ACER1: variants seen among roughly 807,000 people sequenced by gnomAD.
The protein encoded by ACER1 is CTB-180A7.3.
ACER1 carries 28 observed loss-of-function variants against 24.9 expected under a neutral mutation model. The observed-to-expected ratio is 1.13, with a 90% confidence interval of 0.83 to 1.54. The LOEUF (loss-of-function observed/expected upper bound fraction) is 1.54. Among genes scored for constraint, ACER1 ranks in the 40% most tolerant of loss-of-function variants. ACER1 has a pLI of 0.00. For synonymous variants in ACER1, 132 were observed against 131.4 expected, an observed-to-expected ratio of 1.00 and a Z score of -0.03; for missense variants, 352 against 349.3, an observed-to-expected ratio of 1.01 and a Z score of -0.06.
At chr19:6,327,467 A>G (rs1326502117) in intron 1 of ACER1, among the ~76,000 whole-genome samples, 1 of 152,064 alleles carries the variant, frequency 6.6e-6, no homozygotes, top group African/African-American at 2.4e-5. Context: ...CGGGAGGCTG[A>G]GGCAGGAGAA....
intron 1 of ACER1, among the ~76,000 whole-genome samples, chr19:6,330,181 C>A (rs1356017759): frequency 1.7e-5 from 2 of 116,772 alleles, no homozygotes; most frequent in Non-Finnish European, 3.6e-5. Context: ...AATTTTTAAT[C>A]TTTTGAGATG....
chr19:6,324,825 A>AAAGG (rs137970337), intron 1 of ACER1, among the ~76,000 whole-genome samples: 20 of 142,944 alleles, frequency 1.4e-4, no homozygotes, highest in African/African-American at 3.2e-4. Flanking sequence ...GGAGAGAAGG[A>AAAGG]AAGGAAGGAA....
chr19:6,328,318 C>T (rs1380463832), intron 1 of ACER1, among the ~76,000 whole-genome samples: 1 of 151,454 alleles, frequency 6.6e-6, no homozygotes, highest in African/African-American at 2.4e-5. Context: ...AGGTGAAACC[C>T]CATCTCTACT....
upstream of ACER1, among the ~76,000 whole-genome samples, chr19:6,334,246 G>A (rs1186225368): frequency 1.3e-5 from 2 of 152,020 alleles, no homozygotes; most frequent in African/African-American, 2.4e-5. Context: ...GAGTTTCACT[G>A]TGTTAGCCAG....
chr19:6,333,491 A>G lies in ACER1; in HGVS notation c.61T>C (p.Tyr21His). ...TAGAACTCGGCCACCAGCTCCGAGT[A>G]CTGGAAGTTGCTCTCACACCAGTCC... Reference protein sequence around the residue: ...EVDWCESNFQYSELVAEFYNT... With the variant: ...EVDWCESNFQHSELVAEFYNT... Residue 21 changes from tyrosine to histidine, a missense_variant, in exon 1 of 6, where the codon TAC becomes CAC. Tyr to His is a moderately conservative substitution (Grantham distance 83). Transcript: ENST00000301452. 6.3e-7 allele frequency: 1 copy of G among 1,593,402 alleles called. No homozygotes were observed. The highest frequency in any genetic ancestry group is 8.6e-7 in the Non-Finnish European group (1 of 1,169,396).
rs149499006 is a variant in ACER1 at position 6,308,965 on chromosome 19, G to A, written c.488+732C>T. ...TGTAATCTCAACACTTTGGGAGGCC[G>A]AGGTGGGCAGATCACCTGAGGTCAG... is the stretch of plus-strand genomic sequence containing the variant. On this transcript the variant is annotated intron_variant, in intron 4 of 5. Coordinates refer to ENST00000301452, the MANE Select transcript of ACER1 (RefSeq NM_133492.3). 5.9e-3 allele frequency among the ~76,000 whole-genome samples: 891 copies of A among 152,110 alleles called. 5 individuals carry two copies. Among genetic ancestry groups the A allele is most frequent in the Middle Eastern group, 0.017 (5 of 294 alleles).
At chr19:6,355,539 G>A in the ACER1 span, among the ~76,000 whole-genome samples, 240 of 150,380 alleles carry the variant, frequency 1.6e-3, 2 homozygotes, top group South Asian at 1.9e-3. Flanking sequence ...AATGAGGAGC[G>A]TCTCTGCCCG....
intron 1 of ACER1, among the ~76,000 whole-genome samples, chr19:6,314,868 G>A (rs920132574): frequency 1.4e-5 from 2 of 144,740 alleles, no homozygotes; most frequent in African/African-American, 2.7e-5. Flanking sequence ...TATACACAAT[G>A]GAATTTTATT....
chr19:6,312,663 G>A (rs1030078703), intron 1 of ACER1, among the ~76,000 whole-genome samples, 164 bp from the exon 2 acceptor site: 4 of 141,704 alleles, frequency 2.8e-5, no homozygotes, highest in Non-Finnish European at 4.6e-5. Flanking sequence ...CCTTTCAGCC[G>A]ACCCTTTTTT....
chr19:6,338,136 AT>A, upstream of ACER1, among the ~76,000 whole-genome samples: 1 of 151,812 alleles, frequency 6.6e-6, no homozygotes, highest in South Asian at 2.1e-4. Flanking sequence ...ATAAATATGT[AT>A]TTTTTAAGAG....
the ACER1 span, among the ~76,000 whole-genome samples, chr19:6,354,366 G>A: frequency 6.6e-6 from 1 of 152,016 alleles, no homozygotes; most frequent in Non-Finnish European, 1.5e-5. Flanking sequence ...TCGAGTGGGT[G>A]GAGGCCAGAG....
chr19:6,306,999 C>A, intron 5 of ACER1, 117 bp from the exon 6 acceptor site: 1 of 1,486,926 alleles, frequency 6.7e-7, no homozygotes, highest in Middle Eastern at 2.2e-4. Context: ...CTGGGTCTGG[C>A]CCCGTGACTG....
intron 3 of ACER1, among the ~76,000 whole-genome samples, chr19:6,311,603 G>C (rs1008869125): frequency 2.7e-5 from 4 of 150,724 alleles, no homozygotes; most frequent in East Asian, 1.9e-4. Context: ...AGGCGGAGAA[G>C]AAGAAGGAGA....
the ACER1 span, among the ~76,000 whole-genome samples, chr19:6,357,943 G>A: frequency 1.3e-5 from 2 of 152,140 alleles, no homozygotes; most frequent in South Asian, 4.1e-4. Flanking sequence ...AAGGGAGACA[G>A]GGAACACATC....
At chr19:6,335,881 TTTTTCTTTTTTTTCTTTTTC>T (rs2091712422), upstream of ACER1, among the ~76,000 whole-genome samples, 1 of 150,254 alleles carries the variant, frequency 6.7e-6, no homozygotes, top group African/African-American at 2.5e-5. Flanking sequence ...ATCCCTTTTC[TTTTTCTTTTTTTTCTTTTTC>T]TTTTCTTTTT....
At chr19:6,311,523 C>A (rs1436013491) in intron 3 of ACER1, among the ~76,000 whole-genome samples, 1 of 150,970 alleles carries the variant, frequency 6.6e-6, no homozygotes, top group Admixed American at 6.6e-5. Context: ...GTGTGGGTGA[C>A]AGAGCGAGAC....
chr19:6,347,109 A>AAAAAAAAAAAAAAAAAAAAAATATATAT, the ACER1 span, among the ~76,000 whole-genome samples: 4 of 113,776 alleles, frequency 3.5e-5, no homozygotes, highest in African/African-American at 2.0e-4. Flanking sequence ...AAAAAAAAAA[A>AAAAAAAAAAAAAAAAAAAAAATATATAT]ATATATATAT....
Position 6,330,873 on chromosome 19 carries a change from G to A in ACER1, c.93+2586C>T, listed in dbSNP as rs1293990208. On this transcript the variant is annotated intron_variant, in intron 1 of 5. Coordinates refer to ENST00000301452, the MANE Select transcript of ACER1 (RefSeq NM_133492.3). ...TCTCATAATCCCACTTCCCAGGTAT[G>A]GGAAGCCCCGGGGTGAAAGGCAACA... Among the ~76,000 whole-genome samples the A allele has an allele frequency of 3.3e-5, 5 of 149,612 alleles. 1 individual carries two copies. Among genetic ancestry groups the A allele is most frequent in the South Asian group, 2.1e-4 (1 of 4,764 alleles).
the ACER1 span, among the ~76,000 whole-genome samples, chr19:6,358,950 A>AAAAAAAAAAAAG: frequency 6.7e-6 from 1 of 150,276 alleles, no homozygotes; most frequent in Non-Finnish European, 1.5e-5. Context: ...AAAAAAAAAA[A>AAAAAAAAAAAAG]GAGTCCAGCT....
Sources: gnomAD v4.1 joint callset for allele counts (sites outside exome capture counted in the v4.1 genomes callset) on GRCh38, gnomAD v4.1.1 for gene constraint, MANE v1.5 for transcripts, NCBI Gene and HGNC (gene_info 2026-07-23, HGNC 2026-07-21) for gene names.